The following STAB2 variants were observed in gnomAD, a reference collection of about 807,000 sequenced individuals.
STAB2 encodes the protein stabilin 2.
Under a neutral mutation model 338.1 loss-of-function variants are expected in STAB2, and 288 were observed. That is an observed-to-expected ratio of 0.85 (90% confidence interval 0.77 to 0.94). The LOEUF (loss-of-function observed/expected upper bound fraction) is 0.94, where lower values mean the gene tolerates loss of function less well. Among genes scored for constraint, STAB2 ranks in the 40% least tolerant of loss-of-function variants. STAB2 has a pLI of 0.00. For synonymous variants in STAB2, 1,202 were observed against 1,193.3 expected (o/e 1.01, Z -0.15); for missense variants, 3,141 against 3,210.1 (o/e 0.98, Z 0.52).
chr12:103,707,130 A>C, intron 38 of STAB2, 143 bp downstream of exon 38: 1 of 845,912 alleles, frequency 1.2e-6, no homozygotes, highest in Non-Finnish European at 1.8e-6. Flanking sequence ...ATCACTGTGA[A>C]TTATAAGAGC....
intron 21 of STAB2, 48 bp from the exon 22 acceptor site, chr12:103,670,648 T>C (rs758277255): frequency 6.8e-6 from 10 of 1,462,290 alleles, no homozygotes; most frequent in Middle Eastern, 1.7e-4. Context: ...TGAAAACACC[T>C]GAGAACTATG....
intron 28 of STAB2, among the ~76,000 whole-genome samples, chr12:103,689,167 C>T (rs1219423203): frequency 2.0e-5 from 3 of 152,272 alleles, no homozygotes; most frequent in African/African-American, 7.2e-5. Flanking sequence ...TCCCCACCAT[C>T]CTTACTTCAA....
intron 56 of STAB2, 32 bp from the exon 57 acceptor site, chr12:103,745,141 T>C (rs1448378159): frequency 1.3e-6 from 2 of 1,594,458 alleles, no homozygotes; most frequent in African/African-American, 2.7e-5. Flanking sequence ...TCTCAACCCC[T>C]GATGACTGAC....
At chr12:103,617,154 T>C (rs1957223186) in intron 3 of STAB2, among the ~76,000 whole-genome samples, 1 of 152,222 alleles carries the variant, frequency 6.6e-6, no homozygotes, top group Non-Finnish European at 1.5e-5. Context: ...ATGAGAGCTC[T>C]AGATCTCTTC....
At chr12:103,751,739 G>A (rs1378290332) in intron 60 of STAB2, among the ~76,000 whole-genome samples, 1 of 152,160 alleles carries the variant, frequency 6.6e-6, no homozygotes, top group Non-Finnish European at 1.5e-5. Context: ...TGTTCCCAAA[G>A]CCCACTTCCA....
At chr12:103,715,231 G>T (rs1258547409) in intron 42 of STAB2, among the ~76,000 whole-genome samples, 2 of 152,170 alleles carry the variant, frequency 1.3e-5, no homozygotes, top group Admixed American at 1.3e-4. Context: ...GGAACCTTGA[G>T]CTCTCCTTCT....
intron 34 of STAB2, among the ~76,000 whole-genome samples, chr12:103,701,266 G>A (rs1878846445): frequency 1.3e-5 from 2 of 151,590 alleles, no homozygotes; most frequent in African/African-American, 2.4e-5. Flanking sequence ...TTGGACATTT[G>A]GGTTGGTTCC....
At chr12:103,681,850 A>G (rs7303939) in intron 25 of STAB2, among the ~76,000 whole-genome samples, 60,956 of 151,298 alleles carry the variant, frequency 0.4, 12,287 homozygotes, top group Non-Finnish European at 0.41. Flanking sequence ...CGATGTCTTC[A>G]CCTCATGATC....
intron 61 of STAB2, 172 bp from the exon 62 acceptor site, chr12:103,755,126 CTCAA>C (rs928314815): frequency 1.6e-5 from 13 of 792,164 alleles, no homozygotes; most frequent in East Asian, 7.6e-5. Flanking sequence ...CACCCAGTGG[CTCAA>C]TCAATCAGTC....
At chr12:103,744,095 G>A (rs971555043) in intron 56 of STAB2, among the ~76,000 whole-genome samples, 12 of 152,126 alleles carry the variant, frequency 7.9e-5, no homozygotes, top group Non-Finnish European at 1.6e-4. Flanking sequence ...GCACTAGTAC[G>A]GTAGTGCTGG....
At chr12:103,746,338 G>A (rs903686359) in intron 57 of STAB2, 3 of 315,524 alleles carry the variant, frequency 9.5e-6, no homozygotes, top group Middle Eastern at 9.9e-4. Flanking sequence ...AGTTTTAATT[G>A]ATAGCCCCTA....
intron 7 of STAB2, 128 bp from the exon 8 acceptor site, chr12:103,637,888 A>G: frequency 1.0e-6 from 1 of 970,834 alleles, no homozygotes; most frequent in Non-Finnish European, 1.5e-6. Flanking sequence ...GGGGGAAATG[A>G]AAGGAAATGT....
intron 56 of STAB2, among the ~76,000 whole-genome samples, chr12:103,743,120 T>C (rs1882725964): frequency 6.6e-6 from 1 of 151,256 alleles, no homozygotes; most frequent in African/African-American, 2.4e-5. Flanking sequence ...CCTCCCAGGT[T>C]CAAGTGATTC....
chr12:103,739,190 T>A (rs1034517616), intron 53 of STAB2, among the ~76,000 whole-genome samples: 1 of 151,558 alleles, frequency 6.6e-6, no homozygotes, highest in African/African-American at 2.4e-5. Context: ...TTGCCTAGGC[T>A]GGTCTCAAAC....
chr12:103,635,836 T>G (rs1295100317), intron 6 of STAB2, among the ~76,000 whole-genome samples: 1 of 152,176 alleles, frequency 6.6e-6, no homozygotes, highest in Non-Finnish European at 1.5e-5. Flanking sequence ...GACCTCCCCA[T>G]GCATGACCTC....
At chr12:103,716,804 T>C (rs1880353072) in intron 43 of STAB2, among the ~76,000 whole-genome samples, 1 of 152,214 alleles carries the variant, frequency 6.6e-6, no homozygotes, top group Non-Finnish European at 1.5e-5. Flanking sequence ...ATAAACTTTT[T>C]GGTGCTTGGG....
chr12:103,692,885 A>C lies in STAB2; in HGVS notation c.3371A>C (p.Asn1124Thr). 1 of 1,612,598 alleles carries C rather than the reference A, an allele frequency of 6.2e-7. No individual in the cohort carries two copies. The highest frequency in any genetic ancestry group is 8.5e-7 in the Non-Finnish European group (1 of 1,178,724). ...AATNGVIHII[N>T]KVLVPQRRLT... ...ACAAATGGAGTGATACACATCATCA[A>C]CAAGGTACAAGATTCCATTCTCCTG... Residue 1124 changes from asparagine (N) to threonine (T), a missense_variant, in exon 31 of 69, where the codon AAC becomes ACC. Physicochemically the swap from Asn to Thr is moderately conservative, Grantham distance 65 (BLOSUM62 0). Coordinates refer to ENST00000388887, the MANE Select transcript of STAB2 (RefSeq NM_017564.10).
chr12:103,687,189 G>A (rs1307738156), intron 27 of STAB2, among the ~76,000 whole-genome samples: 1 of 151,976 alleles, frequency 6.6e-6, no homozygotes, highest in Non-Finnish European at 1.5e-5. Flanking sequence ...ATAATCCCTG[G>A]AGCAAGGTTT....
At chr12:103,596,041 C>T (rs1175970122) in intron 3 of STAB2, among the ~76,000 whole-genome samples, 1 of 152,156 alleles carries the variant, frequency 6.6e-6, no homozygotes, top group Admixed American at 6.5e-5. Context: ...GTTGGCACAG[C>T]ATGTTTCTAA....
Sources: gnomAD v4.1 joint callset for allele counts (sites outside exome capture counted in the v4.1 genomes callset) on GRCh38, gnomAD v4.1.1 for gene constraint, MANE v1.5 for transcripts, NCBI Gene and HGNC (gene_info 2026-07-23, HGNC 2026-07-21) for gene names.